ZNF571: variants seen among roughly 807,000 people sequenced by gnomAD.
The protein encoded by ZNF571 is zinc finger protein 571.
ZNF571 carries 4 observed loss-of-function variants against 7.7 expected under a neutral mutation model. That is an observed-to-expected ratio of 0.52 (90% CI 0.25 to 1.18). The LOEUF (loss-of-function observed/expected upper bound fraction) is 1.18. ZNF571 is among the 50% of genes most tolerant of loss of function. ZNF571 has a pLI of 0.14. For missense variants in ZNF571, 704 were observed against 726.9 expected, an observed-to-expected ratio of 0.97 and a Z score of 0.36; for synonymous variants, 251 against 232.4, an observed-to-expected ratio of 1.08 and a Z score of -0.73.
chr19:37,565,179 T>C lies in ZNF571; in HGVS notation c.1249A>G (p.Lys417Glu). ...CCACATTCCTTACATTTGTAGGGCT[T>C]CTCTCCGGTATGAATTCTTTGATGT... ...IQHQRIHTGEKPYKCKECGKA... is the reference protein window; with the variant it reads ...IQHQRIHTGEEPYKCKECGKA... The change falls in exon 4 of 4, where the codon AAG (lysine) becomes GAG (glutamate). Residue 417 changes from lysine (K) to glutamate (E), a missense_variant. Coordinates refer to ENST00000451802, the MANE Select transcript of ZNF571 (RefSeq NM_016536.5). The C allele has an allele frequency of 1.2e-6, 2 of 1,613,592 alleles. No individual in the cohort carries two copies. The highest frequency in any genetic ancestry group is 2.2e-5 in the East Asian group (1 of 44,874).
chr19:37,564,536 C>T lies in ZNF571; in HGVS notation c.*62G>A. 7.1e-7 allele frequency: 1 copy of T among 1,404,982 alleles called. No homozygotes were observed. The highest frequency in any genetic ancestry group is 9.4e-7 in the Non-Finnish European group (1 of 1,064,112). The allele number at this position is 1,404,982 out of a possible 1,614,324, so 87.0% of individuals were successfully genotyped here. The stretch of plus-strand genomic sequence containing the variant: ...TTCTGAGCAGAAGCAAGATGTTCTA[C>T]ATTCATTATAGATATGAAATAGATG... On this transcript the variant is annotated 3_prime_UTR_variant, in exon 4 of 4. Coordinates refer to ENST00000451802, the MANE Select transcript of ZNF571 (RefSeq NM_016536.5).
intron 2 of ZNF571, chr19:37,586,199 T>C (rs3829688): frequency 0.25 from 38,948 of 153,614 alleles, 5,635 homozygotes; most frequent in East Asian, 0.64. Flanking sequence ...TAGAACCCAA[T>C]TCCCAACCAA....
intron 3 of ZNF571, among the ~76,000 whole-genome samples, chr19:37,568,868 C>T (rs189281437): frequency 3.3e-5 from 5 of 152,170 alleles, no homozygotes; most frequent in Admixed American, 2.6e-4. Flanking sequence ...ATTCTTGCCC[C>T]CATCAAGTCC....
intron 1 of ZNF571, among the ~76,000 whole-genome samples, chr19:37,592,573 A>G (rs1039817005): frequency 6.6e-6 from 1 of 152,232 alleles, no homozygotes; most frequent in African/African-American, 2.4e-5. Context: ...TTTAGGTGAA[A>G]AAAAGGAAAG....
rs773425281 is a variant in ZNF571, at chr19:37,565,960, T to G, written c.468A>C (p.Gln156His). The G allele has an allele frequency of 6.2e-6, 10 of 1,613,732 alleles. No homozygotes were observed. The highest frequency in any genetic ancestry group is 5.0e-5 in the Admixed American group (3 of 59,978). The change falls in exon 4 of 4, where the codon CAA (glutamine) becomes CAC (histidine). Residue 156 changes from glutamine to histidine, a missense_variant. Coordinates refer to ENST00000451802, the MANE Select transcript of ZNF571 (RefSeq NM_016536.5). Reference sequence around the variant, plus strand: ...TTTCTATATTATGATTTTCCTCATGTTGAATAAGGCATGACAGGTAGCTGA... The same window carrying G: ...TTTCTATATTATGATTTTCCTCATGGTGAATAAGGCATGACAGGTAGCTGA... ...QGFSYLSCLI[Q>H]HEENHNIEKC...
At chr19:37,590,507 C>T (rs945950672) in intron 1 of ZNF571, among the ~76,000 whole-genome samples, 22 of 152,248 alleles carry the variant, frequency 1.4e-4, no homozygotes, top group Middle Eastern at 3.4e-3. Context: ...ACAATTATTA[C>T]ATCTCTGCTA....
rs117242854 is a variant in ZNF571 at position 37,582,336 on chromosome 19, T to C, written c.136+1635A>G. ...TTACTTGAACTCCTAGCATTATCTC[T>C]CTCAGCTAACTGCTTCCTCCTTTTG... On this transcript the variant is annotated intron_variant, in intron 3 of 3. Coordinates refer to ENST00000451802, the MANE Select transcript of ZNF571 (RefSeq NM_016536.5). Among the ~76,000 whole-genome samples the C allele has an allele frequency of 6.7e-3, 1,026 of 152,334 alleles. 32 individuals are homozygous for C. Among genetic ancestry groups the C allele is most frequent in the East Asian group, 0.05 (262 of 5,192 alleles).
At chr19:37,572,000 T>TG (rs2043071909) in intron 3 of ZNF571, among the ~76,000 whole-genome samples, 1 of 152,258 alleles carries the variant, frequency 6.6e-6, no homozygotes, top group Non-Finnish European at 1.5e-5. Context: ...ATTATCCAAA[T>TG]AGACTATATG....
chr19:37,587,708 A>C (rs1478182296), intron 1 of ZNF571, among the ~76,000 whole-genome samples: 1 of 152,134 alleles, frequency 6.6e-6, no homozygotes, highest in African/African-American at 2.4e-5. Flanking sequence ...AAATAATTTA[A>C]GTAAGATTTT....
chr19:37,564,401 A>G lies in ZNF571; in HGVS notation c.*197T>C, dbSNP rs2042774178. Reference sequence around the variant, plus strand: ...ATGGAGATGATGCTTAATAAAGGATATAATTCAGCATTATATTCTAGCGTT... The same window carrying G: ...ATGGAGATGATGCTTAATAAAGGATGTAATTCAGCATTATATTCTAGCGTT... On this transcript the variant is annotated 3_prime_UTR_variant, in exon 4 of 4. Coordinates refer to ENST00000451802, the MANE Select transcript of ZNF571 (RefSeq NM_016536.5). The G allele has an allele frequency of 2.4e-6, 1 of 415,498 alleles. No individual in the cohort carries two copies. The highest frequency in any genetic ancestry group is 4.2e-6 in the Non-Finnish European group (1 of 238,256). The allele number at this position is 415,498 out of a possible 1,614,324, so 25.7% of individuals were successfully genotyped here.
chr19:37,591,808 T>C (rs1246715130), intron 1 of ZNF571, among the ~76,000 whole-genome samples: 1 of 152,076 alleles, frequency 6.6e-6, no homozygotes, highest in Non-Finnish European at 1.5e-5. Context: ...CCTCCCAAAG[T>C]GTTGGGATTA....
At chr19:37,586,439 G>A in intron 2 of ZNF571, 1 of 586,212 alleles carries the variant, frequency 1.7e-6, no homozygotes, top group East Asian at 2.9e-5. Flanking sequence ...GACTATGCCT[G>A]TGGACAATGT....
chr19:37,570,772 T>A (rs749343177), intron 3 of ZNF571, among the ~76,000 whole-genome samples: 4 of 152,084 alleles, frequency 2.6e-5, no homozygotes, highest in Non-Finnish European at 5.9e-5. Flanking sequence ...CTACCAAACT[T>A]CTGAATAGTC....
intron 2 of ZNF571, 132 bp downstream of exon 2, chr19:37,586,536 G>A (rs2043679771): frequency 8.2e-6 from 8 of 975,268 alleles, no homozygotes; most frequent in African/African-American, 1.6e-5. Flanking sequence ...ACTATTACTC[G>A]CTAGAATGGG....
In ZNF571 at chr19:37,565,351, T is replaced by C. The variant is rs1047870079; in HGVS notation, c.1077A>G (p.Gly359=). 44 of 1,613,478 alleles carry C rather than the reference T, an allele frequency of 2.7e-5. No homozygotes were observed. Among genetic ancestry groups the C allele is most frequent in the Non-Finnish European group, 3.6e-5 (42 of 1,179,816 alleles). The change falls in exon 4 of 4, where the codon GGA becomes GGG. Residue 359 remains glycine, a synonymous_variant. Coordinates refer to ENST00000451802, the MANE Select transcript of ZNF571 (RefSeq NM_016536.5). ...ATTCTTTACATTCATAGGGTTTCTC[T>C]CCTGTATGAATTCTCTGATGTTCAT... ...QLNEHQRIHT[G]EKPYECKECG...
intron 1 of ZNF571, among the ~76,000 whole-genome samples, chr19:37,591,805 A>G (rs2043876735): frequency 6.6e-6 from 1 of 152,132 alleles, no homozygotes; most frequent in African/African-American, 2.4e-5. Flanking sequence ...CGGCCTCCCA[A>G]AGTGTTGGGA....
chr19:37,593,044 G>C (rs541329864), intron 1 of ZNF571, among the ~76,000 whole-genome samples: 1 of 152,040 alleles, frequency 6.6e-6, no homozygotes, highest in East Asian at 1.9e-4. Context: ...TCTGAATATG[G>C]GGGTATACAA....
chr19:37,594,565 A>AC (rs2043962570), intron 1 of ZNF571, 176 bp downstream of exon 1: 1 of 152,120 alleles, frequency 6.6e-6, no homozygotes, highest in South Asian at 2.1e-4. Context: ...CGGTGCCGAC[A>AC]CCCCTCCGCA....
rs1241767032 is a variant in ZNF571 at position 37,564,492 on chromosome 19, C to T, written c.*106G>A. The T allele has an allele frequency of 2.0e-6, 2 of 1,010,238 alleles. No individual in the cohort carries two copies. The highest frequency in any genetic ancestry group is 1.6e-5 in the African/African-American group (1 of 61,628). The allele number at this position is 1,010,238 out of a possible 1,614,324, so 62.6% of individuals were successfully genotyped here. Reference sequence around the variant, plus strand: ...TATTCTGCATCCATGTTAATGTAGGCCTTCTAAGAATGAGCAGATTCTGAG... The same window carrying T: ...TATTCTGCATCCATGTTAATGTAGGTCTTCTAAGAATGAGCAGATTCTGAG... On this transcript the variant is annotated 3_prime_UTR_variant, in exon 4 of 4. Coordinates refer to ENST00000451802, the MANE Select transcript of ZNF571 (RefSeq NM_016536.5).
Sources: allele counts gnomAD v4.1 joint callset (sites outside exome capture counted in the v4.1 genomes callset), GRCh38; gene constraint gnomAD v4.1.1; transcripts MANE v1.5; gene names NCBI Gene and HGNC (gene_info 2026-07-23, HGNC 2026-07-21).